The following CCDC126 variants were observed in gnomAD, a reference collection of about 807,000 sequenced individuals.
The protein encoded by CCDC126 is coiled-coil domain containing 126, also known as coiled-coil domain-containing protein 126.
In CCDC126, 5 loss-of-function variants were observed where a neutral mutation model predicts 11.7. The ratio of observed to expected loss-of-function variants is 0.43; its 90% CI spans 0.22 to 0.90. The LOEUF is 0.90. Among genes scored for constraint, CCDC126 ranks in the 40% least tolerant of loss-of-function variants. The probability of loss-of-function intolerance (pLI) is 0.27; values close to 1 mark genes in which losing one functional copy is unlikely to be tolerated. For synonymous variants in CCDC126, 60 were observed against 61.9 expected (o/e 0.97, Z 0.14); for missense variants, 150 against 163.1 (o/e 0.92, Z 0.44).
intron 3 of CCDC126, among the ~76,000 whole-genome samples, chr7:23,637,767 C>G (rs1783261527): frequency 1.3e-5 from 1 of 78,300 alleles, no homozygotes; most frequent in African/African-American, 4.3e-5. Flanking sequence ...CGCCTCTGCC[C>G]GGCCAGCCGC....
chr7:23,612,474 CAAAAAAAAAA>C (rs70954395), intron 3 of CCDC126, among the ~76,000 whole-genome samples: 1 of 56,214 alleles, frequency 1.8e-5, no homozygotes, highest in Non-Finnish European at 3.1e-5. Flanking sequence ...GACTCCATCT[CAAAAAAAAAA>C]AAAAAAAAAA....
chr7:23,622,450 G>A (rs544426287), intron 3 of CCDC126: 13 of 381,662 alleles, frequency 3.4e-5, no homozygotes, highest in South Asian at 2.3e-4. Context: ...TTTTTATTGC[G>A]TCTATTTGAC....
At chr7:23,633,212 G>C (rs1783146141) in intron 3 of CCDC126, among the ~76,000 whole-genome samples, 2 of 152,098 alleles carry the variant, frequency 1.3e-5, no homozygotes, top group South Asian at 2.1e-4. Context: ...GGCTGGTCTG[G>C]AACTCCCAAC....
intron 2 of CCDC126, among the ~76,000 whole-genome samples, chr7:23,604,461 T>A (rs1401667547): frequency 2.0e-5 from 3 of 152,178 alleles, no homozygotes; most frequent in African/African-American, 7.2e-5. Flanking sequence ...GGAGTTTTAT[T>A]TGAGTCTGTT....
chr7:23,600,608 G>A (rs1359987211), intron 2 of CCDC126, among the ~76,000 whole-genome samples: 1 of 152,162 alleles, frequency 6.6e-6, no homozygotes, highest in Admixed American at 6.6e-5. Flanking sequence ...CTAATAGGCA[G>A]TAGTTCTTCT....
chr7:23,605,266 G>A (rs908900174), intron 2 of CCDC126, among the ~76,000 whole-genome samples: 2 of 152,094 alleles, frequency 1.3e-5, no homozygotes, highest in African/African-American at 4.8e-5. Flanking sequence ...AGGACAAAGA[G>A]AAATGGGTAG....
chr7:23,623,643 A>G (rs879151535), intron 3 of CCDC126, among the ~76,000 whole-genome samples: 20 of 152,142 alleles, frequency 1.3e-4, no homozygotes, highest in South Asian at 8.3e-4. Flanking sequence ...ACAAAATCTC[A>G]GACAGGAAGA....
chr7:23,636,315 G>GC (rs1421646935), intron 3 of CCDC126, among the ~76,000 whole-genome samples: 59 of 151,288 alleles, frequency 3.9e-4, no homozygotes, highest in African/African-American at 1.2e-3. Flanking sequence ...TCTCTGCCTG[G>GC]CCCCCCATCG....
In CCDC126 at chr7:23,611,164, T is replaced by G. The variant is rs910587728; in HGVS notation, c.-145-7T>G. On this transcript the variant is annotated splice_polypyrimidine_tract_variant and splice_region_variant and intron_variant, in intron 2 of 3. Transcript: ENST00000307471. ...GACTAATACTGTTTTTCTTCTTAAT[T>G]TTACAGAGTTAATAGAGTGGATACA... is the stretch of plus-strand genomic sequence containing the variant. 5 of 597,244 alleles carry G rather than the reference T, an allele frequency of 8.4e-6. No homozygotes were observed. The highest frequency in any genetic ancestry group is 1.2e-5 in the Non-Finnish European group (4 of 335,714). The allele number at this position is 597,244 out of a possible 1,614,324, so 37.0% of individuals were successfully genotyped here. A position where few individuals can be genotyped will look rare whatever the true frequency, so the allele number is the denominator to read the frequency against.
intron 3 of CCDC126, among the ~76,000 whole-genome samples, chr7:23,637,800 A>G (rs1296182230): frequency 6.7e-4 from 9 of 13,522 alleles, no homozygotes; most frequent in East Asian, 2.3e-3. Flanking sequence ...GGAGGCGGGG[A>G]GGGGGGGGTC....
At chr7:23,625,963 G>T (rs1783008315) in intron 3 of CCDC126, among the ~76,000 whole-genome samples, 1 of 151,682 alleles carries the variant, frequency 6.6e-6, no homozygotes, top group Admixed American at 6.6e-5. Flanking sequence ...GGCCTTGACT[G>T]ATTCTTTATA....
In CCDC126 at chr7:23,634,990, T is replaced by C. The variant is rs1416341333; in HGVS notation, c.239-7941T>C. 2.0e-5 allele frequency among the ~76,000 whole-genome samples: 3 copies of C among 152,230 alleles called. No homozygotes were observed. In the East Asian group the frequency reaches 5.8e-4, roughly 29 times the overall value. On this transcript the variant is annotated intron_variant, in intron 3 of 3. Coordinates refer to ENST00000307471, the MANE Select transcript of CCDC126 (RefSeq NM_138771.4). ...TACCCAATATCTTTAGCATACTTAA[T>C]AGCATCATATACCCTTCTTTTGATT...
intron 2 of CCDC126, among the ~76,000 whole-genome samples, chr7:23,605,479 A>T (rs1358962855): frequency 1.3e-5 from 2 of 151,762 alleles, no homozygotes; most frequent in Non-Finnish European, 2.9e-5. Context: ...TATCATTTTA[A>T]CATTTAAGTG....
chr7:23,625,113 G>A (rs767341709), intron 3 of CCDC126, among the ~76,000 whole-genome samples: 30 of 152,104 alleles, frequency 2.0e-4, no homozygotes, highest in African/African-American at 1.2e-4. Context: ...CAAAGTGCTC[G>A]GATTACAGAT....
intron 3 of CCDC126, among the ~76,000 whole-genome samples, chr7:23,631,423 G>C (rs1427389925): frequency 6.6e-6 from 1 of 152,148 alleles, no homozygotes; most frequent in Non-Finnish European, 1.5e-5. Flanking sequence ...AAAACAAATT[G>C]CCGCAATCCA....
At position 23,611,541 on chromosome 7, in the gene CCDC126, A is replaced by G; in HGVS notation, c.226A>G (p.Met76Val). The G allele has an allele frequency of 1.3e-6, 2 of 1,595,614 alleles. No homozygotes were observed. Among genetic ancestry groups the G allele is most frequent in the Middle Eastern group, 3.3e-4 (2 of 6,038 alleles). ...NTVDVENGASMAGYADLKRTI... is the reference protein window; with the variant it reads ...NTVDVENGASVAGYADLKRTI... ...AGTGGATGTCGAGAACGGTGCTTCT[A>G]TGGCAGGATATGGTAAGATAACCGT... Residue 76 changes from methionine to valine, a missense_variant, in exon 3 of 4, where the codon ATG becomes GTG. Transcript: ENST00000307471.
chr7:23,609,341 G>A (rs976736360), intron 2 of CCDC126, among the ~76,000 whole-genome samples: 7 of 152,018 alleles, frequency 4.6e-5, no homozygotes, highest in East Asian at 3.9e-4. Flanking sequence ...GCGCCACCAC[G>A]TCCGGCTAAT....
intron 3 of CCDC126, among the ~76,000 whole-genome samples, chr7:23,614,792 G>GT (rs1584200064): frequency 1.3e-5 from 2 of 152,150 alleles, no homozygotes; most frequent in African/African-American, 4.8e-5. Flanking sequence ...GAAAGGAATT[G>GT]TTTTTTCTGA....
rs1371534533 is a variant in CCDC126, at chr7:23,636,967, C to T, written c.239-5964C>T. Among the ~76,000 whole-genome samples the T allele has an allele frequency of 4.7e-5, 3 of 63,546 alleles. 1 individual carries two copies. The highest frequency in any genetic ancestry group is 9.8e-5 in the Non-Finnish European group (3 of 30,718). The allele number at this position is 63,546 out of a possible 152,430, so 41.7% of individuals were successfully genotyped here. The stretch of plus-strand genomic sequence containing the variant: ...GGTGAGGGGCGCCTCTGCCCGGCCG[C>T]CCCTACTGGGAAGTGAGGAGCCCCT... On this transcript the variant is annotated intron_variant, in intron 3 of 3. Coordinates refer to ENST00000307471, the MANE Select transcript of CCDC126 (RefSeq NM_138771.4).
Sources: gnomAD v4.1 joint callset for allele counts (sites outside exome capture counted in the v4.1 genomes callset) on GRCh38, gnomAD v4.1.1 for gene constraint, MANE v1.5 for transcripts, NCBI Gene and HGNC (gene_info 2026-07-23, HGNC 2026-07-21) for gene names.